The following PTK2 variants were observed in gnomAD, a reference collection of about 807,000 sequenced individuals.
The protein encoded by PTK2 is focal adhesion kinase 1.
A neutral mutation model predicts 150.1 loss-of-function variants in PTK2; 45 were observed. That is an observed-to-expected ratio of 0.30 (90% confidence interval 0.24 to 0.38). The LOEUF is 0.38. Ranked by LOEUF, PTK2 falls within the 10% of genes least tolerant of loss-of-function variation. PTK2 has a pLI of 1.00. For missense variants in PTK2, 919 were observed against 1,307.3 expected, an observed-to-expected ratio of 0.70 and a Z score of 4.58; for synonymous variants, 432 against 449.2, an observed-to-expected ratio of 0.96 and a Z score of 0.48.
rs541172640 is a variant in PTK2 at position 140,692,580 on chromosome 8, T to G, written c.2500-5886A>C. The stretch of plus-strand genomic sequence containing the variant: ...TGCAGTGTGCCAAGATTGCGCCATT[T>G]CACTCCAGCCTGGGGGACAAGAGTA... On this transcript the variant is annotated intron_variant, in intron 26 of 31. Transcript: ENST00000522684. Among the ~76,000 whole-genome samples the G allele has an allele frequency of 2.6e-5, 4 of 151,948 alleles. No individual in the cohort carries two copies. The South Asian group carries it at 8.3e-4, about 32-fold the overall frequency.
intron 2 of PTK2, among the ~76,000 whole-genome samples, chr8:140,914,379 A>C (rs1602547021): frequency 6.6e-6 from 1 of 152,134 alleles, no homozygotes; most frequent in East Asian, 1.9e-4. Flanking sequence ...AACACTTTAC[A>C]AAAATCAGCA....
chr8:140,667,342 C>T (rs2092790850), intron 30 of PTK2, among the ~76,000 whole-genome samples: 1 of 152,180 alleles, frequency 6.6e-6, no homozygotes, highest in Non-Finnish European at 1.5e-5. Flanking sequence ...GAGCAAATTT[C>T]GACCACACTC....
At chr8:140,949,981 T>C (rs182891645) in intron 1 of PTK2, among the ~76,000 whole-genome samples, 88 of 152,296 alleles carry the variant, frequency 5.8e-4, no homozygotes, top group African/African-American at 2.0e-3. Context: ...CTCAGAGAGA[T>C]GTTAGCACTA....
intron 2 of PTK2, among the ~76,000 whole-genome samples, chr8:140,917,561 G>T (rs73714785): frequency 1.3e-5 from 2 of 152,082 alleles, no homozygotes; most frequent in Non-Finnish European, 2.9e-5. Flanking sequence ...AGTTTGACAT[G>T]GAAGATTTAT....
intron 2 of PTK2, among the ~76,000 whole-genome samples, chr8:140,894,668 G>T (rs2100155445): frequency 6.6e-6 from 1 of 152,134 alleles, no homozygotes; most frequent in Non-Finnish European, 1.5e-5. Flanking sequence ...AATAAAAGGG[G>T]GAAAATAGGA....
chr8:140,790,649 T>A (rs2100087889), intron 13 of PTK2, among the ~76,000 whole-genome samples: 1 of 152,246 alleles, frequency 6.6e-6, no homozygotes, highest in South Asian at 2.1e-4. Context: ...GCACTACAAC[T>A]ATTTAATGTG....
At chr8:140,694,142 G>A (rs7003762) in intron 26 of PTK2, among the ~76,000 whole-genome samples, 43,530 of 150,572 alleles carry the variant, frequency 0.29, 6,799 homozygotes, top group Admixed American at 0.4. Flanking sequence ...CTGGGTTCAC[G>A]CCATTCTCCT....
At chr8:141,002,078 T>G (rs937348462), upstream of PTK2, 1 of 151,972 alleles carries the variant, frequency 6.6e-6, no homozygotes, top group African/African-American at 2.4e-5. Flanking sequence ...TTCCGCGGTG[T>G]GAGCCAGTTT....
intron 14 of PTK2, 64 bp from the exon 15 acceptor site, chr8:140,770,863 A>T: frequency 1.3e-6 from 1 of 771,716 alleles, no homozygotes; most frequent in Non-Finnish European, 1.7e-6. Flanking sequence ...ACAAAAGACA[A>T]CTTTTGTTAC....
chr8:140,835,363 C>T (rs2100118097), intron 7 of PTK2, among the ~76,000 whole-genome samples: 1 of 152,170 alleles, frequency 6.6e-6, no homozygotes, highest in Non-Finnish European at 1.5e-5. Context: ...CCCTCAAATA[C>T]TTAAAACCCA....
chr8:140,727,468 C>A (rs2100046544), intron 22 of PTK2, among the ~76,000 whole-genome samples: 1 of 147,952 alleles, frequency 6.8e-6, no homozygotes, highest in Admixed American at 6.7e-5. Flanking sequence ...TAGATAATAT[C>A]TAGACCCAAT....
intron 2 of PTK2, among the ~76,000 whole-genome samples, chr8:140,920,092 T>C (rs537990076): frequency 6.6e-6 from 1 of 152,162 alleles, no homozygotes; most frequent in South Asian, 2.1e-4. Context: ...TTTAAATATA[T>C]TAGAAATAAT....
At chr8:140,786,327 C>CA (rs750194838) in intron 14 of PTK2, among the ~76,000 whole-genome samples, 6 of 152,298 alleles carry the variant, frequency 3.9e-5, no homozygotes, top group Middle Eastern at 3.4e-3. Flanking sequence ...GATCCAGGAG[C>CA]AGTAGGGCCT....
intron 1 of PTK2, among the ~76,000 whole-genome samples, chr8:140,990,079 A>G (rs913196559): frequency 6.6e-6 from 1 of 152,134 alleles, no homozygotes; most frequent in Non-Finnish European, 1.5e-5. Context: ...CAATGATTGG[A>G]GCCTAACCTT....
In PTK2 at chr8:140,743,051, A is replaced by G. The variant is rs116028343; in HGVS notation, c.1735+179T>C. On this transcript the variant is annotated intron_variant, in intron 20 of 31. Transcript: ENST00000522684. ...AATTCAGAGGTTTAAACTGAGGTCTATTTTTTGCCTAAGGATGTCCAACTG... is the reference window on the plus strand; with the variant it reads ...AATTCAGAGGTTTAAACTGAGGTCTGTTTTTTGCCTAAGGATGTCCAACTG... Among the ~76,000 whole-genome samples, 709 of 152,280 alleles carry G rather than the reference A, an allele frequency of 4.7e-3. 12 individuals carry two copies. Among genetic ancestry groups the G allele is most frequent in the African/African-American group, 0.015 (642 of 41,552 alleles).
chr8:140,702,668 C>G, exon 25 of PTK2: 2 of 1,613,980 alleles, frequency 1.2e-6, no homozygotes, highest in Non-Finnish European at 1.7e-6. Context: ...ATGCTGCCAG[C>G]CATGGCTGTG....
chr8:140,827,667 G>C (rs1158773554), intron 8 of PTK2, among the ~76,000 whole-genome samples: 1 of 152,072 alleles, frequency 6.6e-6, no homozygotes, highest in Non-Finnish European at 1.5e-5. Flanking sequence ...ATTGTACTCA[G>C]TGTTCAGAAA....
At chr8:140,822,371 C>CACACAA in intron 8 of PTK2, 1 of 147,022 alleles carries the variant, frequency 6.8e-6, no homozygotes, top group African/African-American at 2.7e-5. Context: ...CACACACACA[C>CACACAA]AAACACACAC....
intron 3 of PTK2, among the ~76,000 whole-genome samples, chr8:140,888,862 T>C (rs2100153238): frequency 6.6e-6 from 1 of 152,238 alleles, no homozygotes. Context: ...AATGGTTTTA[T>C]TGGAGAGTTT....
Sources: allele counts gnomAD v4.1 joint callset (sites outside exome capture counted in the v4.1 genomes callset), GRCh38; gene constraint gnomAD v4.1.1; transcripts MANE v1.5; gene names NCBI Gene and HGNC (gene_info 2026-07-23, HGNC 2026-07-21).